MEGF11: variants seen among roughly 807,000 people sequenced by gnomAD.
MEGF11 encodes the protein multiple EGF like domains 11.
In MEGF11, 126 loss-of-function variants were observed where a neutral mutation model predicts 146.6. That is an observed-to-expected ratio of 0.86 (90% CI 0.74 to 1.00). MEGF11 has a LOEUF of 1.00. Ranked by LOEUF, MEGF11 falls within the 50% of genes least tolerant of loss-of-function variation. The pLI is 0.00. For missense variants in MEGF11, 1,509 were observed against 1,521.2 expected, an observed-to-expected ratio of 0.99 and a Z score of 0.13; for synonymous variants, 532 against 583.4, an observed-to-expected ratio of 0.91 and a Z score of 1.27.
At chr15:66,249,323 C>A (rs1277421152) in intron 1 of MEGF11, among the ~76,000 whole-genome samples, 1 of 152,052 alleles carries the variant, frequency 6.6e-6, no homozygotes, top group African/African-American at 2.4e-5. Context: ...CTCTTTCAGT[C>A]TTTTAATGAA....
At chr15:66,167,864 G>A (rs1021637729) in intron 1 of MEGF11, among the ~76,000 whole-genome samples, 5 of 152,130 alleles carry the variant, frequency 3.3e-5, no homozygotes, top group Non-Finnish European at 4.4e-5. Flanking sequence ...TTGTGAGGCC[G>A]GGGGGAAGGG....
chr15:66,035,236 A>T (rs1007301299), intron 5 of MEGF11, among the ~76,000 whole-genome samples: 2 of 150,654 alleles, frequency 1.3e-5, no homozygotes. Flanking sequence ...TTTTATTAGT[A>T]GTATATTATT....
intron 1 of MEGF11, among the ~76,000 whole-genome samples, chr15:66,131,317 C>T (rs527274939): frequency 7.0e-4 from 107 of 152,376 alleles, no homozygotes; most frequent in African/African-American, 2.4e-3. Context: ...ACCACCTGCC[C>T]GGGCCTGGGC....
chr15:66,126,544 CAGAG>C (rs1005041651), intron 2 of MEGF11, among the ~76,000 whole-genome samples: 15 of 152,186 alleles, frequency 9.9e-5, no homozygotes, highest in East Asian at 1.9e-4. Context: ...GGGGCTCAGA[CAGAG>C]AGAGAAGTCA....
At chr15:66,216,478 C>G (rs1056731190) in intron 1 of MEGF11, among the ~76,000 whole-genome samples, 2 of 152,134 alleles carry the variant, frequency 1.3e-5, no homozygotes, top group Non-Finnish European at 2.9e-5. Context: ...TGCCCAGTAC[C>G]CTGCACACAG....
At chr15:66,146,527 A>G (rs2089377254) in intron 1 of MEGF11, among the ~76,000 whole-genome samples, 1 of 152,252 alleles carries the variant, frequency 6.6e-6, no homozygotes, top group South Asian at 2.1e-4. Flanking sequence ...TAAGACACGG[A>G]TTGGTGCATG....
At chr15:66,109,761 T>C (rs4776730) in intron 4 of MEGF11, among the ~76,000 whole-genome samples, 63,367 of 152,032 alleles carry the variant, frequency 0.42, 13,699 homozygotes, top group Middle Eastern at 0.56. Context: ...AAGGGGTCTT[T>C]CTTGACCCCC....
chr15:65,897,260 A>G lies in MEGF11; in HGVS notation c.*674T>C, dbSNP rs2078375265. 1 of 152,196 alleles carries G rather than the reference A, an allele frequency of 6.6e-6. No homozygotes were observed. Among genetic ancestry groups the G allele is most frequent in the Non-Finnish European group, 1.5e-5 (1 of 68,024 alleles). The allele number at this position is 152,196 out of a possible 1,614,324, so 9.4% of individuals were successfully genotyped here. A position where few individuals can be genotyped will look rare whatever the true frequency, so the allele number is the denominator to read the frequency against. ...TGTAGACTGAAAGAGACACTGCTGC[A>G]CTTTGGAAACGTGTGTGTGTGTCTC... On this transcript the variant is annotated 3_prime_UTR_variant, in exon 26 of 26. Coordinates refer to ENST00000395614, the MANE Select transcript of MEGF11 (RefSeq NM_001385028.1).
intron 7 of MEGF11, chr15:65,971,216 A>G (rs2081287049): frequency 6.5e-6 from 1 of 153,232 alleles, no homozygotes; most frequent in African/African-American, 2.4e-5. Context: ...GAAGATGGAA[A>G]AGCAGGTGGA....
At chr15:65,998,033 G>T (rs779411967) in intron 5 of MEGF11, among the ~76,000 whole-genome samples, 6 of 152,112 alleles carry the variant, frequency 3.9e-5, no homozygotes, top group East Asian at 1.9e-4. Context: ...GGGCAGGGGT[G>T]GGGGGCACTG....
At chr15:65,921,623 T>C (rs2079173421) in intron 15 of MEGF11, 11 of 152,336 alleles carry the variant, frequency 7.2e-5, no homozygotes, top group Admixed American at 7.2e-4. Flanking sequence ...TCCTACCTTC[T>C]CACTGGTTGT....
chr15:65,914,285 A>G (rs1438642082), intron 19 of MEGF11, among the ~76,000 whole-genome samples: 2 of 152,268 alleles, frequency 1.3e-5, no homozygotes, highest in African/African-American at 4.8e-5. Flanking sequence ...TGAAGGGATT[A>G]GTATTTTCCT....
chr15:65,987,956 A>G (rs1411288428), intron 5 of MEGF11, among the ~76,000 whole-genome samples: 1 of 143,164 alleles, frequency 7.0e-6, no homozygotes, highest in Non-Finnish European at 1.5e-5. Flanking sequence ...TGATCTGCCC[A>G]CCTTGGCCTC....
chr15:66,153,648 G>T (rs1158507344), intron 1 of MEGF11, among the ~76,000 whole-genome samples: 1 of 152,186 alleles, frequency 6.6e-6, no homozygotes, highest in Non-Finnish European at 1.5e-5. Flanking sequence ...AGCACTTCCT[G>T]CTCCCTTTGG....
chr15:65,969,369 G>A (rs1359527316), intron 8 of MEGF11, among the ~76,000 whole-genome samples: 1 of 152,158 alleles, frequency 6.6e-6, no homozygotes, highest in Non-Finnish European at 1.5e-5. Context: ...TGGGGAGATG[G>A]TGAGGATGGG....
chr15:66,127,807 C>T (rs1029304722), intron 2 of MEGF11, among the ~76,000 whole-genome samples: 2 of 150,644 alleles, frequency 1.3e-5, no homozygotes, highest in Non-Finnish European at 3.0e-5. Context: ...TCCCCAGCAA[C>T]ACCCTGCCCC....
At chr15:65,984,571 A>G (rs1304432877) in intron 5 of MEGF11, among the ~76,000 whole-genome samples, 2 of 144,210 alleles carry the variant, frequency 1.4e-5, no homozygotes, top group African/African-American at 5.1e-5. Flanking sequence ...ACAGAGAGTG[A>G]CTGAGTATCC....
chr15:66,038,165 G>A (rs1433342036), intron 5 of MEGF11, among the ~76,000 whole-genome samples: 1 of 152,186 alleles, frequency 6.6e-6, no homozygotes, highest in Non-Finnish European at 1.5e-5. Flanking sequence ...AACTTCCTAG[G>A]AGCACCAGGA....
chr15:66,243,623 T>C (rs2092251949), intron 1 of MEGF11, among the ~76,000 whole-genome samples: 1 of 152,212 alleles, frequency 6.6e-6, no homozygotes, highest in Non-Finnish European at 1.5e-5. Flanking sequence ...CAAATTAATA[T>C]TCATGGAGAC....
Sources: gnomAD v4.1 joint callset for allele counts (sites outside exome capture counted in the v4.1 genomes callset) on GRCh38, gnomAD v4.1.1 for gene constraint, MANE v1.5 for transcripts, NCBI Gene and HGNC (gene_info 2026-07-23, HGNC 2026-07-21) for gene names.